MIB2: variants seen among roughly 807,000 people sequenced by gnomAD.
MIB2 encodes the protein MIB E3 ubiquitin protein ligase 2.
MIB2 carries 78 observed loss-of-function variants against 96.6 expected under a neutral mutation model. That is an observed-to-expected ratio of 0.81 (90% CI 0.67 to 0.97). The LOEUF is 0.97. Among genes scored for constraint, MIB2 ranks in the 50% least tolerant of loss-of-function variants. MIB2 has a pLI of 0.00. For synonymous variants in MIB2, 820 were observed against 629.5 expected (o/e 1.30, Z -4.53); for missense variants, 1,543 against 1,424.0 (o/e 1.08, Z -1.35).
At position 1,630,359 on chromosome 1, in the gene MIB2, G is replaced by C. The variant is rs1334710407; in HGVS notation, c.2697G>C (p.Gln899His). The C allele has an allele frequency of 2.6e-6, 4 of 1,541,350 alleles. No individual in the cohort carries two copies. The highest frequency in any genetic ancestry group is 5.0e-5 in the East Asian group (2 of 40,254). The change falls in exon 20 of 20, where the codon CAG becomes CAC. Residue 899 changes from glutamine (Q) to histidine (H), a missense_variant. Physicochemically the swap from Gln to His is conservative, Grantham distance 24. Coordinates refer to ENST00000355826, the MANE Select transcript of MIB2 (RefSeq NM_001170687.4). Reference protein sequence around the residue: ...GPPRQLVEELQSRYRQMEERI... With the variant: ...GPPRQLVEELHSRYRQMEERI... ...CGCGCCAGCTGGTGGAGGAGCTGCAGAGCCGCTACCGGCAGATGGAGGAAC... is the reference window on the plus strand; with the variant it reads ...CGCGCCAGCTGGTGGAGGAGCTGCACAGCCGCTACCGGCAGATGGAGGAAC...
In MIB2 at chr1:1,615,623, C is replaced by T; in HGVS notation, c.-140C>T. The T allele has an allele frequency of 6.4e-7, 1 of 1,573,194 alleles. No individual in the cohort carries two copies. Among genetic ancestry groups the T allele is most frequent in the Non-Finnish European group, 8.6e-7 (1 of 1,163,656 alleles). On this transcript the variant is annotated 5_prime_UTR_variant, in exon 1 of 20. Transcript: ENST00000355826. ...TCACTGGCGCGATGCGGGCCGTCCTCTCGGCTGATGGTGCGTGCGGGCGCG... is the reference window on the plus strand; with the variant it reads ...TCACTGGCGCGATGCGGGCCGTCCTTTCGGCTGATGGTGCGTGCGGGCGCG...
At chr1:1,627,599 G>C (rs2100534898) in intron 12 of MIB2, 74 bp from the exon 13 acceptor site, 1 of 1,520,604 alleles carries the variant, frequency 6.6e-7, no homozygotes, top group East Asian at 2.4e-5. Flanking sequence ...CTGGGGTCGG[G>C]CCTGGCGGGG....
At chr1:1,622,824 C>G (rs1644381355) in intron 2 of MIB2, among the ~76,000 whole-genome samples, 1 of 152,238 alleles carries the variant, frequency 6.6e-6, no homozygotes, top group Non-Finnish European at 1.5e-5. Context: ...TGGTGTCCCC[C>G]AGGAGCAGTG....
chr1:1,619,040 G>C (rs1257735050), intron 2 of MIB2: 2 of 152,616 alleles, frequency 1.3e-5, no homozygotes, highest in East Asian at 3.8e-4. Flanking sequence ...CAGGCAGGCA[G>C]CTGCAGGAAG....
At position 1,627,797 on chromosome 1, in the gene MIB2, C is replaced by T; in HGVS notation, c.1648C>T (p.Leu550=). ...QRGFLEVVRA[L]CERGCDVNLP... The stretch of plus-strand genomic sequence containing the variant: ...GGGCTTCCTGGAGGTGGTGCGGGCC[C>T]TGTGTGAGCGCGGCTGTGACGTCAA... Residue 550 remains leucine (L), a synonymous_variant, in exon 13 of 20, where the codon CTG becomes TTG. Transcript: ENST00000355826. 1 of 1,599,028 alleles carries T rather than the reference C, an allele frequency of 6.3e-7. No individual in the cohort carries two copies. The highest frequency in any genetic ancestry group is 1.1e-5 in the South Asian group (1 of 90,902).
Position 1,627,417 on chromosome 1 carries a change from A to G in MIB2, c.1496A>G (p.Asn499Ser), listed in dbSNP as rs1170334074. The G allele has an allele frequency of 1.9e-6, 3 of 1,612,610 alleles. No homozygotes were observed. Among genetic ancestry groups the G allele is most frequent in the Non-Finnish European group, 2.5e-6 (3 of 1,179,860 alleles). ...AGVDLPDDEG[N>S]TALHYAALGN... ...GTGGACCTGCCGGACGACGAGGGCA[A>G]CACGGCACTGCACTACGCGGCCCTG... Residue 499 changes from asparagine (N) to serine (S), a missense_variant, in exon 12 of 20, where the codon AAC becomes AGC. Transcript: ENST00000355826.
rs765942542 is a variant in MIB2, at chr1:1,628,543, G to A, written c.2023G>A (p.Ala675Thr). 8.1e-6 allele frequency: 13 copies of A among 1,601,402 alleles called. No homozygotes were observed. Among genetic ancestry groups the A allele is most frequent in the Middle Eastern group, 1.7e-4 (1 of 5,880 alleles). The change falls in exon 16 of 20, where the codon GCC becomes ACC. Residue 675 changes from alanine (A) to threonine (T), a missense_variant. Transcript: ENST00000355826. Reference protein sequence around the residue: ...NRKLQSPLHLAVQQAHVGLVP... With the variant: ...NRKLQSPLHLTVQQAHVGLVP... ...GAAGCTGCAGTCCCCGCTGCATCTC[G>A]CCGTGCAACAGGCCCACGTGGGGCT...
At chr1:1,622,850 C>T (rs1036076135) in intron 2 of MIB2, among the ~76,000 whole-genome samples, 1 of 152,252 alleles carries the variant, frequency 6.6e-6, no homozygotes, top group East Asian at 1.9e-4. Flanking sequence ...GGACAGATGC[C>T]TCCTGGTCCC....
At chr1:1,621,645 C>T (rs1171469920) in intron 2 of MIB2, among the ~76,000 whole-genome samples, 1 of 152,242 alleles carries the variant, frequency 6.6e-6, no homozygotes, top group Admixed American at 6.5e-5. Flanking sequence ...ACAGGGAGAG[C>T]TGTGCTTGTA....
chr1:1,622,740 G>A (rs965784696), intron 2 of MIB2, among the ~76,000 whole-genome samples: 1 of 152,220 alleles, frequency 6.6e-6, no homozygotes, highest in African/African-American at 2.4e-5. Flanking sequence ...CGTGGCCAGG[G>A]CCACTTTTCC....
At chr1:1,629,358 C>T in intron 17 of MIB2, 27 bp from the exon 18 acceptor site, 1 of 1,440,402 alleles carries the variant, frequency 6.9e-7, no homozygotes, top group Non-Finnish European at 9.0e-7. Context: ...CTCCGGGCCC[C>T]TCTCAAGCCG....
Position 1,626,688 on chromosome 1 carries a change from C to T in MIB2, c.1011C>T (p.Ile337=), listed in dbSNP as rs773895201. The T allele has an allele frequency of 2.5e-5, 40 of 1,595,488 alleles. No homozygotes were observed. The African/African-American group carries it at 2.6e-4, about 10-fold the overall frequency. ...SFWVGDVVRV[I]GDLDTVKRLQ... ...GGGTGGGCGACGTGGTCCGGGTCAT[C>T]GGCGACCTTGACACAGTGAAGCGGC... The change falls in exon 9 of 20, where the codon ATC becomes ATT. Residue 337 remains isoleucine (I), a synonymous_variant. Transcript: ENST00000355826. This position sits in a 1 kb window ranked among gnomAD's most constrained non-coding sequence, Gnocchi z 5.3.
In MIB2 at chr1:1,630,392, C is replaced by T; in HGVS notation, c.2730C>T (p.Thr910=). Residue 910 remains threonine (T), a synonymous_variant, in exon 20 of 20, where the codon ACC becomes ACT. Transcript: ENST00000355826. ...SRYRQMEERI[T]CPICIDSHIR... ...ACCGGCAGATGGAGGAACGCATCAC[C>T]TGCCCCATCTGCATCGACAGCCACA... The T allele has an allele frequency of 6.4e-7, 1 of 1,565,566 alleles. No homozygotes were observed. The highest frequency in any genetic ancestry group is 8.6e-7 in the Non-Finnish European group (1 of 1,157,054).
Position 1,628,574 on chromosome 1 carries a change from C to A in MIB2, c.2054C>A (p.Pro685Gln). The change falls in exon 16 of 20, where the codon CCG becomes CAG. Residue 685 changes from proline to glutamine, a missense_variant. Coordinates refer to ENST00000355826, the MANE Select transcript of MIB2 (RefSeq NM_001170687.4). ...CAACAGGCCCACGTGGGGCTGGTGC[C>A]GCTACTGGTGGACGCTGGGTGCAGT... Reference protein sequence around the residue: ...AVQQAHVGLVPLLVDAGCSVN... With the variant: ...AVQQAHVGLVQLLVDAGCSVN... 1.2e-6 allele frequency: 2 copies of A among 1,600,762 alleles called. No homozygotes were observed. The highest frequency in any genetic ancestry group is 2.2e-5 in the South Asian group (2 of 90,422).
In MIB2 at chr1:1,630,385, G is replaced by T; in HGVS notation, c.2723G>T (p.Arg908Leu). The T allele has an allele frequency of 6.4e-7, 1 of 1,558,392 alleles. No individual in the cohort carries two copies. The highest frequency in any genetic ancestry group is 8.7e-7 in the Non-Finnish European group (1 of 1,153,548). ...AGCCGCTACCGGCAGATGGAGGAACGCATCACCTGCCCCATCTGCATCGAC... is the reference window on the plus strand; with the variant it reads ...AGCCGCTACCGGCAGATGGAGGAACTCATCACCTGCCCCATCTGCATCGAC... ...LQSRYRQMEERITCPICIDSH... is the reference protein window; with the variant it reads ...LQSRYRQMEELITCPICIDSH... The change falls in exon 20 of 20, where the codon CGC becomes CTC. Residue 908 changes from arginine (R) to leucine (L), a missense_variant. Physicochemically the swap from Arg to Leu is moderately radical, Grantham distance 102 (BLOSUM62 -2). Transcript: ENST00000355826.
chr1:1,629,361 T>C, intron 17 of MIB2, 24 bp from the exon 18 acceptor site: 1 of 1,437,324 alleles, frequency 7.0e-7, no homozygotes. Context: ...CGGGCCCCTC[T>C]CAAGCCGCCT....
intron 4 of MIB2, chr1:1,624,343 G>A (rs1343422416): frequency 2.6e-6 from 1 of 378,144 alleles, no homozygotes; most frequent in Non-Finnish European, 4.9e-6. Flanking sequence ...TTTGTCTCTG[G>A]CCCTCCCTGC....
At position 1,625,466 on chromosome 1, in the gene MIB2, C is replaced by CGG; in HGVS notation, c.864+38_864+39insGG. The CGG allele has an allele frequency of 6.4e-7, 1 of 1,555,418 alleles. No homozygotes were observed. On this transcript the variant is annotated intron_variant, in intron 7 of 19. Coordinates refer to ENST00000355826, the MANE Select transcript of MIB2 (RefSeq NM_001170687.4). The surrounding 1 kb of genome is among the most constrained non-coding windows in gnomAD (Gnocchi z 5.0). ...GCCGTGGAGCCCTGTGTGCCCTGCCCTCCCAGCCCTCCGCCCCCTCAGCCC... is the reference window on the plus strand; with the variant it reads ...GCCGTGGAGCCCTGTGTGCCCTGCCCGGTCCCAGCCCTCCGCCCCCTCAGCCC...
rs746841405 is a variant in MIB2 at position 1,628,670 on chromosome 1, T to C, written c.2150T>C (p.Leu717Pro). ...VALQRHQLLP[L>P]VADGAGGDPG... The stretch of plus-strand genomic sequence containing the variant: ...CTGCAGCGTCATCAGCTGCTGCCCC[T>C]GGTGGCTGATGGGGCCGGGGGGGAC... The change falls in exon 16 of 20, where the codon CTG becomes CCG. Residue 717 changes from leucine to proline, a missense_variant. Transcript: ENST00000355826. 1.9e-6 allele frequency: 3 copies of C among 1,583,396 alleles called. No homozygotes were observed. Among genetic ancestry groups the C allele is most frequent in the Non-Finnish European group, 2.6e-6 (3 of 1,167,442 alleles).
Sources: allele counts gnomAD v4.1 joint callset (sites outside exome capture counted in the v4.1 genomes callset), GRCh38; gene constraint gnomAD v4.1.1; non-coding constraint Gnocchi (gnomAD v3.1); transcripts MANE v1.5; gene names NCBI Gene and HGNC (gene_info 2026-07-23, HGNC 2026-07-21).